Variants in KIF1B observed in about 807,000 individuals in gnomAD.
The protein encoded by KIF1B is kinesin family member 1B.
In KIF1B, 76 loss-of-function variants were observed where a neutral mutation model predicts 241.9. The ratio of observed to expected loss-of-function variants is 0.31; its 90% confidence interval spans 0.26 to 0.38. The LOEUF (loss-of-function observed/expected upper bound fraction) is 0.38. KIF1B is among the 10% of genes least tolerant of loss of function. The pLI, the probability that KIF1B is intolerant of heterozygous loss-of-function variation, is 1.00. For missense variants in KIF1B, 1,622 were observed against 2,271.4 expected (o/e 0.71, Z 5.81); for synonymous variants, 750 against 796.7 (o/e 0.94, Z 0.99).
intron 28 of KIF1B, among the ~76,000 whole-genome samples, chr1:10,335,713 T>C (rs879784212): frequency 6.6e-6 from 1 of 152,022 alleles, no homozygotes; most frequent in African/African-American, 2.4e-5. Context: ...CAAGCTGATA[T>C]AAGCTGATTG....
intron 17 of KIF1B, 101 bp downstream of exon 17, chr1:10,292,223 T>A (rs1295669217): frequency 7.0e-6 from 6 of 855,426 alleles, no homozygotes; most frequent in African/African-American, 3.3e-5. Context: ...CTCCCCCTTA[T>A]TATCTTGATA....
intron 40 of KIF1B, among the ~76,000 whole-genome samples, chr1:10,362,199 G>T (rs1486051412): frequency 6.6e-6 from 1 of 152,130 alleles, no homozygotes; most frequent in Non-Finnish European, 1.5e-5. Flanking sequence ...TACAGTGAAG[G>T]CCATACACAG....
intron 14 of KIF1B, 142 bp downstream of exon 14, chr1:10,279,280 TC>T (rs1649282269): frequency 2.0e-6 from 1 of 498,596 alleles, no homozygotes; most frequent in Admixed American, 3.6e-5. Flanking sequence ...TCAGAAATGA[TC>T]CTATTTTTGC....
intron 1 of KIF1B, among the ~76,000 whole-genome samples, chr1:10,220,990 A>G (rs950171374): frequency 6.6e-6 from 1 of 151,822 alleles, no homozygotes; most frequent in African/African-American, 2.4e-5. Flanking sequence ...TTTGGGGAGC[A>G]TGACTGAGCC....
intron 15 of KIF1B, among the ~76,000 whole-genome samples, chr1:10,284,393 C>CA (rs1649584938): frequency 6.6e-6 from 1 of 151,486 alleles, no homozygotes; most frequent in Non-Finnish European, 1.5e-5. Context: ...ACTAAAAATA[C>CA]AAAAAAATTA....
chr1:10,305,128 G>A, intron 22 of KIF1B: 1 of 1,060,368 alleles, frequency 9.4e-7, no homozygotes, highest in South Asian at 4.1e-5. Flanking sequence ...GCACAGCTTT[G>A]GATTTCTCAT....
In KIF1B at chr1:10,244,550, G is replaced by A. The variant is rs1647180545; in HGVS notation, c.107-11697G>A. 3.3e-5 allele frequency among the ~76,000 whole-genome samples: 5 copies of A among 150,962 alleles called. No homozygotes were observed. The South Asian group carries it at 1.0e-3, about 32-fold the overall frequency. On this transcript the variant is annotated intron_variant, in intron 2 of 48. Transcript: ENST00000676179. Reference sequence around the variant, plus strand: ...TGGTCTCGAACTTCTGACCTCAGGTGATCCGCCCGCCTCAGCCTCCCAAAG... The same window carrying A: ...TGGTCTCGAACTTCTGACCTCAGGTAATCCGCCCGCCTCAGCCTCCCAAAG...
chr1:10,314,457 TC>T (rs1434283154), intron 22 of KIF1B, among the ~76,000 whole-genome samples: 1 of 151,486 alleles, frequency 6.6e-6, no homozygotes, highest in Admixed American at 6.6e-5. Context: ...TCTCGCTGTG[TC>T]CTCCAGGCTG....
In KIF1B at chr1:10,326,139, G is replaced by A. The variant is rs368663292; in HGVS notation, c.2704G>A (p.Glu902Lys). The change falls in exon 27 of 49, where the codon GAG becomes AAG. Residue 902 changes from glutamate (E) to lysine (K), a missense_variant. Around this residue, in one of 7 missense-constraint regions of KIF1B, gnomAD observed 803 missense variants for 1,112.0 expected, o/e 0.72. Coordinates refer to ENST00000676179, the MANE Select transcript of KIF1B (RefSeq NM_001365951.3). This position sits in a 1 kb window ranked among gnomAD's most constrained non-coding sequence, Gnocchi z 5.2. ...SSPIFHGCVN[E>K]RLADRTPSPT... ...CCCCATTTTCCACGGCTGTGTGAAC[G>A]AGCGCCTTGCCGACCGCACACCCTC... 6.8e-6 allele frequency: 11 copies of A among 1,613,898 alleles called. No homozygotes were observed. Among genetic ancestry groups the A allele is most frequent in the African/African-American group, 1.3e-5 (1 of 74,860 alleles).
In KIF1B at chr1:10,276,367, T is replaced by C. The variant is rs777030180; in HGVS notation, c.1005T>C (p.Asp335=). The C allele has an allele frequency of 3.1e-6, 5 of 1,613,842 alleles. No homozygotes were observed. The highest frequency in any genetic ancestry group is 1.6e-4 in the Middle Eastern group (1 of 6,084). The change falls in exon 12 of 49, where the codon GAT becomes GAC. Residue 335 remains aspartate, a synonymous_variant. Transcript: ENST00000676179. The stretch of plus-strand genomic sequence containing the variant: ...TGGTTGCTGCTCTGAGCCCCGCGGA[T>C]ATCAACTACGATGAGACTTTGAGCA... ...TAMVAALSPA[D]INYDETLSTL...
intron 1 of KIF1B, among the ~76,000 whole-genome samples, chr1:10,214,823 C>T (rs1298551531): frequency 6.6e-6 from 1 of 151,906 alleles, no homozygotes; most frequent in African/African-American, 2.4e-5. Context: ...CCTTGTGATC[C>T]ACCCACCTCA....
intron 17 of KIF1B, among the ~76,000 whole-genome samples, chr1:10,292,964 T>C (rs1423048551): frequency 6.6e-6 from 1 of 152,220 alleles, no homozygotes; most frequent in East Asian, 1.9e-4. Context: ...CTGTTGATGA[T>C]CTCTCTAAGT....
chr1:10,212,890 G>GTGTA (rs1284149177), intron 1 of KIF1B, among the ~76,000 whole-genome samples: 44 of 109,478 alleles, frequency 4.0e-4, no homozygotes, highest in South Asian at 1.2e-3. Context: ...ATGCGTGTGT[G>GTGTA]TATATATATA....
chr1:10,270,808 C>G (rs1648749357), intron 7 of KIF1B, among the ~76,000 whole-genome samples: 1 of 151,698 alleles, frequency 6.6e-6, no homozygotes, highest in East Asian at 1.9e-4. Flanking sequence ...CGCCTGTAAG[C>G]TCAGCTACTC....
chr1:10,257,429 C>G (rs1225066469), intron 3 of KIF1B, among the ~76,000 whole-genome samples: 16 of 149,688 alleles, frequency 1.1e-4, no homozygotes, highest in African/African-American at 3.9e-4. Context: ...GAGCCGAGAT[C>G]GCACCACTGC....
chr1:10,313,673 C>T (rs930881735), intron 22 of KIF1B, among the ~76,000 whole-genome samples: 3 of 149,320 alleles, frequency 2.0e-5, no homozygotes, highest in Admixed American at 2.0e-4. Context: ...GCCTCAGGCT[C>T]CCGAGTAGCT....
intron 25 of KIF1B, among the ~76,000 whole-genome samples, chr1:10,324,522 T>C (rs1407528937): frequency 1.3e-5 from 2 of 152,138 alleles, no homozygotes; most frequent in Non-Finnish European, 2.9e-5. Flanking sequence ...TTTCACCCGG[T>C]AGAGGATAGG....
Position 10,305,513 on chromosome 1 carries a change from G to GA in KIF1B, c.2115+8268dup, listed in dbSNP as rs1650786740. 2.2e-5 allele frequency: 23 copies of GA among 1,060,356 alleles called. No individual in the cohort carries two copies. The South Asian group carries it at 9.6e-4, about 44-fold the overall frequency. The allele number at this position is 1,060,356 out of a possible 1,614,324, so 65.7% of individuals were successfully genotyped here. ...GGAGGTTATTTGGCTTGAGAGGGAAGAGGTGGGACAGACATGGGGGACAAA... is the reference window on the plus strand; with the variant it reads ...GGAGGTTATTTGGCTTGAGAGGGAAGAAGGTGGGACAGACATGGGGGACAAA... On this transcript the variant is annotated intron_variant, in intron 22 of 48. Transcript: ENST00000676179.
At chr1:10,357,559 G>C (rs1638285962) in intron 38 of KIF1B, among the ~76,000 whole-genome samples, 2 of 151,712 alleles carry the variant, frequency 1.3e-5, no homozygotes, top group Non-Finnish European at 2.9e-5. Flanking sequence ...TGTAGAACTT[G>C]TCTCTAAAGA....
Sources: allele counts gnomAD v4.1 joint callset (sites outside exome capture counted in the v4.1 genomes callset), GRCh38; gene constraint gnomAD v4.1.1; regional missense constraint gnomAD v4.1.1; non-coding constraint Gnocchi (gnomAD v3.1); transcripts MANE v1.5; gene names NCBI Gene and HGNC (gene_info 2026-07-23, HGNC 2026-07-21).